Variants in MMP21 observed in about 807,000 individuals in gnomAD.
MMP21 encodes matrix metalloproteinase-21.
MMP21 carries 40 observed loss-of-function variants against 47.8 expected under a neutral mutation model. The observed-to-expected ratio is 0.84, with a 90% CI of 0.65 to 1.09. The LOEUF (loss-of-function observed/expected upper bound fraction) is 1.09, where lower values mean the gene tolerates loss of function less well. Among genes scored for constraint, MMP21 ranks in the 50% least tolerant of loss-of-function variants. MMP21 has a pLI of 0.00. For synonymous variants in MMP21, 341 were observed against 318.0 expected (o/e 1.07, Z -0.77); for missense variants, 747 against 775.3 (o/e 0.96, Z 0.43).
At chr10:125,767,418 G>T in intron 6 of MMP21, 114 bp downstream of exon 6, 2 of 1,050,660 alleles carry the variant, frequency 1.9e-6, no homozygotes, top group Non-Finnish European at 2.7e-6. Context: ...CGGGATTACA[G>T]GCATGCGCCA....
At position 125,774,487 on chromosome 10, in the gene MMP21, GAGAC is replaced by G. The variant is rs201423894; in HGVS notation, c.163-126_163-123del. 0.01 allele frequency: 6,136 copies of G among 592,894 alleles called. 318 individuals are homozygous for G. The East Asian group carries it at 0.13, about 13-fold the overall frequency. 36.7% of individuals were successfully genotyped at this position (592,894 alleles called of 1,614,324 possible). A position where few individuals can be genotyped will look rare whatever the true frequency, so the allele number is the denominator to read the frequency against. ...AGAGACAGAGACAGAGAGAAGCAGAGAGACAGACAGGGAGAAACAGATGGAGATA... is the reference window on the plus strand; with the variant it reads ...AGAGACAGAGACAGAGAGAAGCAGAGAGACAGGGAGAAACAGATGGAGATA... On this transcript the variant is annotated intron_variant, in intron 1 of 6. Transcript: ENST00000368808.
intron 5 of MMP21, among the ~76,000 whole-genome samples, chr10:125,768,492 C>T (rs942174228): frequency 1.3e-5 from 2 of 152,290 alleles, no homozygotes; most frequent in East Asian, 1.9e-4. Context: ...GGCATCTTGC[C>T]AACAGAATAG....
chr10:125,771,170 G>C (rs879093906), intron 4 of MMP21, among the ~76,000 whole-genome samples: 1 of 152,166 alleles, frequency 6.6e-6, no homozygotes, highest in Admixed American at 6.5e-5. Context: ...ATCTCAGTTT[G>C]GTTGTGAAGT....
chr10:125,772,717 C>T lies in MMP21; in HGVS notation c.731G>A (p.Gly244Glu). 6.2e-7 allele frequency: 1 copy of T among 1,614,132 alleles called. No homozygotes were observed. Among genetic ancestry groups the T allele is most frequent in the African/African-American group, 1.3e-5 (1 of 75,042 alleles). ...GGCGTGTGCAAACTCCTGCCCGCTC[C>T]CATCGAAGGCCCGCGGACAGCCCAG... ...RHLGCPRAFDGSGQEFAHAWR... is the reference protein window; with the variant it reads ...RHLGCPRAFDESGQEFAHAWR... The change falls in exon 3 of 7, where the codon GGG becomes GAG. Residue 244 changes from glycine to glutamate, a missense_variant. Coordinates refer to ENST00000368808, the MANE Select transcript of MMP21 (RefSeq NM_147191.1). This position sits in a 1 kb window ranked among gnomAD's most constrained non-coding sequence, Gnocchi z 5.6.
At chr10:125,767,184 A>G (rs1483082714) in intron 6 of MMP21, among the ~76,000 whole-genome samples, 1 of 151,642 alleles carries the variant, frequency 6.6e-6, no homozygotes, top group Non-Finnish European at 1.5e-5. Context: ...GCTGGACTGG[A>G]GTGCAAGTGG....
In MMP21 at chr10:125,772,391, T is replaced by TGAA. The variant is rs1403954035; in HGVS notation, c.838-35_838-33dup. Reference sequence around the variant, plus strand: ...GGGGACACACACCATGGGTGCTGGGTGAAGCCTGGGCGATGGATCCCTGCA... The same window carrying TGAA: ...GGGGACACACACCATGGGTGCTGGGTGAAGAAGCCTGGGCGATGGATCCCTGCA... On this transcript the variant is annotated intron_variant, in intron 3 of 6. Coordinates refer to ENST00000368808, the MANE Select transcript of MMP21 (RefSeq NM_147191.1). This position sits in a 1 kb window ranked among gnomAD's most constrained non-coding sequence, Gnocchi z 5.6. 1 of 1,612,918 alleles carries TGAA rather than the reference T, an allele frequency of 6.2e-7. No homozygotes were observed. Among genetic ancestry groups the TGAA allele is most frequent in the South Asian group, 1.1e-5 (1 of 90,954 alleles).
In MMP21 at chr10:125,766,706, A is replaced by G. The variant is rs1387074882; in HGVS notation, c.1666T>C (p.Trp556Arg). The part of the protein sequence containing the change: ...LFPKKFISEK[W>R]FDVCDVHIST... ...ATATGGACGTCACAAACATCAAACC[A>G]CTTCTCTGAAATAAACTTTTTTGGA... Residue 556 changes from tryptophan (W) to arginine (R), a missense_variant, in exon 7 of 7, where the codon TGG (tryptophan) becomes CGG (arginine). Coordinates refer to ENST00000368808, the MANE Select transcript of MMP21 (RefSeq NM_147191.1). 2 of 1,613,384 alleles carry G rather than the reference A, an allele frequency of 1.2e-6. No individual in the cohort carries two copies. Among genetic ancestry groups the G allele is most frequent in the East Asian group, 2.2e-5 (1 of 44,848 alleles).
At position 125,766,803 on chromosome 10, in the gene MMP21, G is replaced by C. The variant is rs1850391091; in HGVS notation, c.1569C>G (p.Gly523=). 6.2e-7 allele frequency: 1 copy of C among 1,613,806 alleles called. No individual in the cohort carries two copies. The highest frequency in any genetic ancestry group is 1.7e-5 in the Admixed American group (1 of 59,982). The part of the protein sequence containing the change: ...YAYNSIFFFK[G]NAYWKVVNDK... ...CATTAACTACCTTCCAGTATGCATT[G>C]CCTTTGAAAAAGAAAATGGAGTTGT... The change falls in exon 7 of 7, where the codon GGC becomes GGG. Residue 523 remains glycine (G), a synonymous_variant. Coordinates refer to ENST00000368808, the MANE Select transcript of MMP21 (RefSeq NM_147191.1).
Position 125,770,169 on chromosome 10 carries a change from A to G in MMP21, c.1237+165T>C, listed in dbSNP as rs979605870. 5.9e-5 allele frequency among the ~76,000 whole-genome samples: 9 copies of G among 152,046 alleles called. No individual in the cohort carries two copies. The South Asian group carries it at 6.2e-4, about 11-fold the overall frequency. On this transcript the variant is annotated intron_variant, in intron 5 of 6. Transcript: ENST00000368808. ...TCAGAAACAAAAAAAATGGAATACAACCCAATCCTTGTGCCCTCAGAGCTT... is the reference window on the plus strand; with the variant it reads ...TCAGAAACAAAAAAAATGGAATACAGCCCAATCCTTGTGCCCTCAGAGCTT...
chr10:125,769,269 A>ACC (rs914209096), intron 5 of MMP21, among the ~76,000 whole-genome samples: 13 of 151,714 alleles, frequency 8.6e-5, no homozygotes, highest in African/African-American at 3.1e-4. Flanking sequence ...GTTCCCCATG[A>ACC]CCCCCCAGGC....
At chr10:125,768,062 T>C (rs1326312690) in intron 5 of MMP21, among the ~76,000 whole-genome samples, 2 of 152,204 alleles carry the variant, frequency 1.3e-5, no homozygotes, top group Admixed American at 6.5e-5. Context: ...AGTATCTTAA[T>C]GTTTTTTTCT....
At chr10:125,775,597 G>T in intron 1 of MMP21, 63 bp downstream of exon 1, 1 of 1,503,942 alleles carries the variant, frequency 6.6e-7, no homozygotes, top group Non-Finnish European at 8.9e-7. Context: ...GCGCGCGTGC[G>T]CATGTGCCTG....
rs1850390620 is a variant in MMP21, at chr10:125,766,756, G to A, written c.1616C>T (p.Ser539Phe). ...VVNDKDKQQN[S>F]WLPANGLFPK... is the part of the protein sequence containing the mutation. ...AAATAAGCCATTAGCAGGAAGCCAGGAATTCTGTTGTTTGTCCTTGTCATT... is the reference window on the plus strand; with the variant it reads ...AAATAAGCCATTAGCAGGAAGCCAGAAATTCTGTTGTTTGTCCTTGTCATT... The change falls in exon 7 of 7, where the codon TCC becomes TTC. Residue 539 changes from serine (S) to phenylalanine (F), a missense_variant. Physicochemically the swap from Ser to Phe is radical, Grantham distance 155. Transcript: ENST00000368808. The A allele has an allele frequency of 6.2e-7, 1 of 1,613,686 alleles. No individual in the cohort carries two copies. The highest frequency in any genetic ancestry group is 8.5e-7 in the Non-Finnish European group (1 of 1,179,942).
At position 125,770,560 on chromosome 10, in the gene MMP21, A is replaced by G. The variant is rs1458219944; in HGVS notation, c.1011T>C (p.Phe337=). Residue 337 remains phenylalanine, a synonymous_variant, in exon 5 of 7, where the codon TTT becomes TTC. Coordinates refer to ENST00000368808, the MANE Select transcript of MMP21 (RefSeq NM_147191.1). ...GSCEGSFDTA[F]DWIRKERNQY... ...GGTTTCTCTCTTTGCGAATCCAGTC[A>G]AACGCAGTATCAAATGATCCCTCAC... 1 of 1,614,234 alleles carries G rather than the reference A, an allele frequency of 6.2e-7. No individual in the cohort carries two copies. Among genetic ancestry groups the G allele is most frequent in the Non-Finnish European group, 8.5e-7 (1 of 1,180,040 alleles).
Position 125,770,848 on chromosome 10 carries a change from A to C in MMP21, c.980-257T>G, listed in dbSNP as rs377666299. 8.6e-3 allele frequency among the ~76,000 whole-genome samples: 1,273 copies of C among 147,506 alleles called. 17 individuals are homozygous for C. The highest frequency in any genetic ancestry group is 0.03 in the African/African-American group (1,172 of 39,144). ...GGCAACATGGTGAAACCCAGTGTCT[A>C]CAAAAAAAAAAAAAAATACAAAAAG... On this transcript the variant is annotated intron_variant, in intron 4 of 6. Coordinates refer to ENST00000368808, the MANE Select transcript of MMP21 (RefSeq NM_147191.1).
rs760704774 is a variant in MMP21 at position 125,767,557 on chromosome 10, A to C, written c.1385T>G (p.Leu462Ter). The C allele has an allele frequency of 1.2e-6, 2 of 1,614,000 alleles. No individual in the cohort carries two copies. Among genetic ancestry groups the C allele is most frequent in the African/African-American group, 2.7e-5 (2 of 74,896 alleles). ...AAGGGACTCCTTGAAGAAGTAAATT[A>C]ACTTCTGTCTTCGGTCATAAAACGC... Reference protein sequence around the residue: ...DTAFYDRRQKLIYFFKESLVF... With the variant: ...DTAFYDRRQK The change falls in exon 6 of 7, where the codon TTA (leucine) becomes TGA (stop). Residue 462 changes from leucine (L) to a stop codon, truncating the protein, a stop_gained. Transcript: ENST00000368808. LOFTEE classifies it low-confidence loss of function (END_TRUNC).
At chr10:125,774,407 G>T in intron 1 of MMP21, 42 bp from the exon 2 acceptor site, 1 of 1,301,280 alleles carries the variant, frequency 7.7e-7, no homozygotes, top group South Asian at 2.1e-5. Flanking sequence ...CGCCTCGCTC[G>T]GGGCCCTCCC....
chr10:125,772,778 C>G lies in MMP21; in HGVS notation c.698-28G>C, dbSNP rs28381291. On this transcript the variant is annotated intron_variant, in intron 2 of 6. Transcript: ENST00000368808. The surrounding 1 kb of genome is among the most constrained non-coding windows in gnomAD (Gnocchi z 5.6). The stretch of plus-strand genomic sequence containing the variant: ...GGCGAGGGGGAGGAGGAGTTGGTCC[C>G]GGTGAAGGATGAGTGCCCCCCATAC... The G allele has an allele frequency of 1.9e-6, 3 of 1,607,382 alleles. No individual in the cohort carries two copies. The African/African-American group carries it at 4.0e-5, about 21-fold the overall frequency.
At chr10:125,768,394 GT>G (rs1850408357) in intron 5 of MMP21, among the ~76,000 whole-genome samples, 1 of 152,204 alleles carries the variant, frequency 6.6e-6, no homozygotes, top group Admixed American at 6.5e-5. Context: ...GCTCCATTTT[GT>G]TTCAGAGTTC....
Sources: allele counts gnomAD v4.1 joint callset (sites outside exome capture counted in the v4.1 genomes callset), GRCh38; gene constraint gnomAD v4.1.1; non-coding constraint Gnocchi (gnomAD v3.1); transcripts MANE v1.5; gene names NCBI Gene and HGNC (gene_info 2026-07-23, HGNC 2026-07-21).